MYO10: variants seen among roughly 807,000 people sequenced by gnomAD.
MYO10 encodes myosin X.
A neutral mutation model predicts 257.3 loss-of-function variants in MYO10; 133 were observed. That is an observed-to-expected ratio of 0.52 (90% confidence interval 0.45 to 0.60). The LOEUF is 0.60. Ranked by LOEUF, MYO10 falls within the 20% of genes least tolerant of loss-of-function variation. MYO10 has a pLI of 0.00. For synonymous variants in MYO10, 1,104 were observed against 1,028.6 expected (o/e 1.07, Z -1.40); for missense variants, 2,399 against 2,635.7 (o/e 0.91, Z 1.97).
intron 2 of MYO10, among the ~76,000 whole-genome samples, chr5:16,851,591 T>C (rs1715851287): frequency 6.6e-6 from 1 of 152,160 alleles, no homozygotes; most frequent in South Asian, 2.1e-4. Flanking sequence ...GCCCAGGTCA[T>C]AATGTGAGCT....
chr5:16,679,574 G>A (rs980710128), intron 33 of MYO10, among the ~76,000 whole-genome samples: 4 of 148,756 alleles, frequency 2.7e-5, no homozygotes, highest in Non-Finnish European at 1.5e-5. Flanking sequence ...ACCTAGGCTG[G>A]GGTGCAGTGG....
chr5:16,718,212 G>A lies in MYO10; in HGVS notation c.1930-6967C>T, dbSNP rs771603793. On this transcript the variant is annotated intron_variant, in intron 19 of 40. Coordinates refer to ENST00000513610, the MANE Select transcript of MYO10 (RefSeq NM_012334.3). ...CGTGGAGCAAGGCTCGGGACCTGCA[G>A]CCCGCCATGCCTGAGCCTCCCACCC... 1.1e-3 allele frequency among the ~76,000 whole-genome samples: 165 copies of A among 152,200 alleles called. 1 individual carries two copies. Among genetic ancestry groups the A allele is most frequent in the Non-Finnish European group, 1.9e-3 (132 of 68,024 alleles).
intron 4 of MYO10, among the ~76,000 whole-genome samples, chr5:16,791,551 C>CACACACACACGT (rs1741757763): frequency 1.8e-5 from 2 of 108,310 alleles, no homozygotes; most frequent in African/African-American, 8.1e-5. Flanking sequence ...TACATACACA[C>CACACACACACGT]ACACACACAC....
intron 35 of MYO10, among the ~76,000 whole-genome samples, chr5:16,674,630 C>CCT (rs1736638311): frequency 2.0e-5 from 3 of 149,498 alleles, no homozygotes; most frequent in Non-Finnish European, 4.4e-5. Flanking sequence ...TACATTAGGA[C>CCT]ATTACACCAA....
At chr5:16,715,391 A>ATT (rs1738812871) in intron 19 of MYO10, among the ~76,000 whole-genome samples, 1 of 63,282 alleles carries the variant, frequency 1.6e-5, no homozygotes, top group African/African-American at 5.1e-5. Context: ...GTAAGATTGA[A>ATT]ATTTTTTTTT....
At chr5:16,699,409 C>T (rs752780602) in intron 26 of MYO10, 41 bp downstream of exon 26, 2 of 1,599,374 alleles carry the variant, frequency 1.3e-6, no homozygotes, top group Non-Finnish European at 1.7e-6. Context: ...TAACGCCTCG[C>T]TCTCCCCCTA....
chr5:16,789,446 A>G (rs909978662), intron 4 of MYO10, among the ~76,000 whole-genome samples: 5 of 152,202 alleles, frequency 3.3e-5, no homozygotes, highest in African/African-American at 1.2e-4. Flanking sequence ...CAAAGGTCTT[A>G]GCAAGCCAAA....
chr5:16,670,657 A>T lies in MYO10; in HGVS notation c.5752T>A (p.Ser1918Thr). 1.2e-6 allele frequency: 2 copies of T among 1,613,932 alleles called. No individual in the cohort carries two copies. The highest frequency in any genetic ancestry group is 1.7e-6 in the Non-Finnish European group (2 of 1,179,874). Reference protein sequence around the residue: ...MLDMWIKEEVSSARASIIDKW... With the variant: ...MLDMWIKEEVTSARASIIDKW... Reference sequence around the variant, plus strand: ...TCAATGATACTGGCTCGAGCAGAGGAGACTTCTTCCTTAATCCACATGTCC... The same window carrying T: ...TCAATGATACTGGCTCGAGCAGAGGTGACTTCTTCCTTAATCCACATGTCC... The change falls in exon 39 of 41, where the codon TCC (serine) becomes ACC (threonine). Residue 1918 changes from serine to threonine, a missense_variant. By Grantham distance (58) the Ser-to-Thr change is moderately conservative. This residue lies in a region of MYO10 where 1,820 missense variants were observed against 1,939.4 expected (regional missense o/e 0.94). Coordinates refer to ENST00000513610, the MANE Select transcript of MYO10 (RefSeq NM_012334.3).
intron 4 of MYO10, among the ~76,000 whole-genome samples, chr5:16,787,839 C>G (rs1283565474): frequency 6.6e-6 from 1 of 151,956 alleles, no homozygotes; most frequent in East Asian, 1.9e-4. Flanking sequence ...GCTCTGTCTC[C>G]CAGGCTGGAG....
chr5:16,770,151 G>T (rs1012303749), intron 9 of MYO10, among the ~76,000 whole-genome samples: 9 of 152,134 alleles, frequency 5.9e-5, no homozygotes, highest in African/African-American at 1.9e-4. Context: ...AGTATCGCAT[G>T]AACCCAGGAG....
chr5:16,698,816 C>T (rs937427646), intron 26 of MYO10, among the ~76,000 whole-genome samples: 5 of 145,708 alleles, frequency 3.4e-5, no homozygotes, highest in Non-Finnish European at 7.4e-5. Context: ...GTAGAGACGG[C>T]GTTTCACTGT....
At chr5:16,710,880 T>A in intron 21 of MYO10, 28 bp downstream of exon 21, 4 of 1,579,458 alleles carry the variant, frequency 2.5e-6, no homozygotes, top group Non-Finnish European at 3.5e-6. Context: ...AGGGATTCGG[T>A]GGGAGTTGCT....
chr5:16,780,565 ATG>A lies in MYO10; in HGVS notation c.783_784del (p.Phe263LeufsTer10), dbSNP rs1309445620. 6.3e-7 allele frequency: 1 copy of A among 1,584,772 alleles called. No individual in the cohort carries two copies. The highest frequency in any genetic ancestry group is 1.2e-5 in the South Asian group (1 of 86,578). On this transcript the variant is annotated frameshift_variant, in exon 8 of 41. Coordinates refer to ENST00000513610, the MANE Select transcript of MYO10 (RefSeq NM_012334.3). LOFTEE classifies it high-confidence loss of function. ...CAGCCCTGCCAGCAGTGCATAAAAT[ATG>A]TGATAATTCCTTTCCCCGGGATTTT...
intron 1 of MYO10, among the ~76,000 whole-genome samples, chr5:16,888,012 AC>A (rs1425915528): frequency 2.0e-5 from 3 of 152,216 alleles, no homozygotes; most frequent in Non-Finnish European, 4.4e-5. Flanking sequence ...CTATTAGTTA[AC>A]CATCATTATG....
chr5:16,769,173 C>T lies in MYO10; in HGVS notation c.961G>A (p.Glu321Lys). Residue 321 changes from glutamate (E) to lysine (K), a missense_variant, in exon 10 of 41, where the codon GAG (glutamate) becomes AAG (lysine). Coordinates refer to ENST00000513610, the MANE Select transcript of MYO10 (RefSeq NM_012334.3). ...AGCCTCGACACTTCCCGAACTTCCTCCTTGCTGAACTGCATCACGTCCATT... is the reference window on the plus strand; with the variant it reads ...AGCCTCGACACTTCCCGAACTTCCTTCTTGCTGAACTGCATCACGTCCATT... ...TAMDVMQFSK[E>K]EVREVSRLLA... 6.2e-7 allele frequency: 1 copy of T among 1,611,580 alleles called. No individual in the cohort carries two copies. Among genetic ancestry groups the T allele is most frequent in the Non-Finnish European group, 8.5e-7 (1 of 1,179,046 alleles).
intron 21 of MYO10, 82 bp downstream of exon 21, chr5:16,710,826 G>A (rs1402942076): frequency 1.0e-5 from 12 of 1,160,554 alleles, no homozygotes; most frequent in Non-Finnish European, 1.5e-5. Flanking sequence ...GTATAGCGGT[G>A]TCATAGAGCC....
chr5:16,928,917 A>G (rs758259992), intron 1 of MYO10, among the ~76,000 whole-genome samples: 3 of 151,958 alleles, frequency 2.0e-5, no homozygotes, highest in Non-Finnish European at 4.4e-5. Flanking sequence ...GGCTTTCCCA[A>G]AAAAAGCAAA....
At position 16,851,819 on chromosome 5, in the gene MYO10, A is replaced by G. The variant is rs541262196; in HGVS notation, c.120+25790T>C. 5.9e-5 allele frequency among the ~76,000 whole-genome samples: 9 copies of G among 152,186 alleles called. 1 individual carries two copies. In the East Asian group the frequency reaches 1.2e-3, roughly 20 times the overall value. On this transcript the variant is annotated intron_variant, in intron 2 of 40. Coordinates refer to ENST00000513610, the MANE Select transcript of MYO10 (RefSeq NM_012334.3). ...TGTAATCCCAGCACTTTGGGAGGCC[A>G]AGGCGGGCAGATCACGAGGTCAGGA...
At chr5:16,931,161 C>T (rs1399253550) in intron 1 of MYO10, among the ~76,000 whole-genome samples, 7 of 152,078 alleles carry the variant, frequency 4.6e-5, no homozygotes, top group African/African-American at 1.4e-4. Flanking sequence ...ATCCCAGCTA[C>T]TCGGGAGGCT....
Sources: gnomAD v4.1 joint callset for allele counts (sites outside exome capture counted in the v4.1 genomes callset) on GRCh38, gnomAD v4.1.1 for gene constraint, gnomAD v4.1.1 regional missense constraint, MANE v1.5 for transcripts, NCBI Gene and HGNC (gene_info 2026-07-23, HGNC 2026-07-21) for gene names.